Variants in ARHGAP42 observed in about 807,000 individuals in gnomAD.
ARHGAP42 encodes Rho GTPase activating protein 42, also known as rho GTPase-activating protein 42.
ARHGAP42 carries 63 observed loss-of-function variants against 125.0 expected under a neutral mutation model. The observed-to-expected ratio is 0.50, with a 90% CI of 0.41 to 0.62. The LOEUF is 0.62. Among genes scored for constraint, ARHGAP42 ranks in the 20% least tolerant of loss-of-function variants. The pLI is 0.00. For missense variants in ARHGAP42, 766 were observed against 1,024.2 expected (o/e 0.75, Z 3.44); for synonymous variants, 339 against 351.0 (o/e 0.97, Z 0.38).
Position 100,933,269 on chromosome 11 carries a change from A to C in ARHGAP42, c.702+9A>C. ...AGTTCAACTTGCAGAATGTAAGAGT[A>C]TACCTGTTCTTACTGTCTCTCAGCA... On this transcript the variant is annotated intron_variant, in intron 7 of 23. Coordinates refer to ENST00000298815, the MANE Select transcript of ARHGAP42 (RefSeq NM_152432.4). 6.6e-7 allele frequency: 1 copy of C among 1,524,622 alleles called. No individual in the cohort carries two copies. The highest frequency in any genetic ancestry group is 1.2e-5 in the South Asian group (1 of 80,762). 94.4% of individuals were successfully genotyped at this position (1,524,622 alleles called of 1,614,324 possible). A position where few individuals can be genotyped will look rare whatever the true frequency, so the allele number is the denominator to read the frequency against.
At chr11:100,723,745 T>C (rs527929376) in intron 1 of ARHGAP42, among the ~76,000 whole-genome samples, 11 of 152,182 alleles carry the variant, frequency 7.2e-5, no homozygotes, top group Non-Finnish European at 1.3e-4. Flanking sequence ...TTTGTATTTC[T>C]TTATATCCTT....
chr11:100,968,102 G>T (rs965756541), intron 17 of ARHGAP42, among the ~76,000 whole-genome samples: 1 of 152,026 alleles, frequency 6.6e-6, no homozygotes, highest in African/African-American at 2.4e-5. Context: ...GTATGATATT[G>T]GTACAGTTCT....
chr11:100,823,758 G>T (rs1466931993), intron 3 of ARHGAP42, among the ~76,000 whole-genome samples: 1 of 152,122 alleles, frequency 6.6e-6, no homozygotes, highest in Non-Finnish European at 1.5e-5. Context: ...GACTGTCAGA[G>T]AATATTAGGT....
At chr11:100,705,977 CT>C (rs34731514) in intron 1 of ARHGAP42, among the ~76,000 whole-genome samples, 28,255 of 111,548 alleles carry the variant, frequency 0.25, 2,235 homozygotes, top group African/African-American at 0.29. Flanking sequence ...AGTTAAGTAA[CT>C]TTTTTTTTTT....
intron 1 of ARHGAP42, among the ~76,000 whole-genome samples, chr11:100,696,651 G>A (rs986193578): frequency 2.6e-5 from 4 of 151,020 alleles, no homozygotes; most frequent in Admixed American, 6.6e-5. Flanking sequence ...CACTGTGCCC[G>A]GCCCCCTAAT....
At chr11:100,882,242 C>G (rs950154817) in intron 4 of ARHGAP42, among the ~76,000 whole-genome samples, 13 of 152,196 alleles carry the variant, frequency 8.5e-5, no homozygotes, top group Admixed American at 2.6e-4. Context: ...TCATAGATGG[C>G]TTTTATTACG....
At chr11:100,695,448 C>T (rs751496765) in intron 1 of ARHGAP42, among the ~76,000 whole-genome samples, 4 of 152,066 alleles carry the variant, frequency 2.6e-5, no homozygotes, top group Admixed American at 1.3e-4. Context: ...GGATTATAGG[C>T]GGCCATCATC....
intron 1 of ARHGAP42, among the ~76,000 whole-genome samples, chr11:100,769,061 G>A (rs1862907588): frequency 6.6e-6 from 1 of 152,122 alleles, no homozygotes; most frequent in Non-Finnish European, 1.5e-5. Flanking sequence ...GCATGTTACT[G>A]TACTGAGTAC....
At chr11:100,802,640 C>CAA (rs1565220571) in intron 3 of ARHGAP42, among the ~76,000 whole-genome samples, 4 of 60,388 alleles carry the variant, frequency 6.6e-5, no homozygotes, top group African/African-American at 1.9e-4. Context: ...ACCCTGTTGG[C>CAA]GAGTCTCAAA....
intron 4 of ARHGAP42, among the ~76,000 whole-genome samples, chr11:100,881,194 T>C (rs1249770088): frequency 6.6e-6 from 1 of 152,208 alleles, no homozygotes; most frequent in Non-Finnish European, 1.5e-5. Context: ...TCTGATGTTA[T>C]CTTCTAGAAT....
chr11:100,749,210 T>C (rs997419281), intron 1 of ARHGAP42, among the ~76,000 whole-genome samples: 1 of 152,092 alleles, frequency 6.6e-6, no homozygotes, highest in African/African-American at 2.4e-5. Context: ...CCCCTGAAAT[T>C]TGTGGAAGGC....
rs139162012 is a variant in ARHGAP42, at chr11:100,886,902, A to T, written c.385-26550A>T. 4.3e-3 allele frequency among the ~76,000 whole-genome samples: 658 copies of T among 152,248 alleles called. 2 individuals carry two copies. Among genetic ancestry groups the T allele is most frequent in the South Asian group, 9.5e-3 (46 of 4,822 alleles). ...GGAGGTCTCTTTCTGTGCTTCACTA[A>T]ATTGGATAGTTTAAAAGAAAAACAC... On this transcript the variant is annotated intron_variant, in intron 4 of 23. Coordinates refer to ENST00000298815, the MANE Select transcript of ARHGAP42 (RefSeq NM_152432.4).
At chr11:100,763,573 CG>C (rs1307097600) in intron 1 of ARHGAP42, among the ~76,000 whole-genome samples, 2 of 152,110 alleles carry the variant, frequency 1.3e-5, no homozygotes, top group Admixed American at 1.3e-4. Flanking sequence ...CTGCAACCTC[CG>C]CCCCCCGGGT....
intron 1 of ARHGAP42, among the ~76,000 whole-genome samples, chr11:100,764,025 C>CTTTTTTT (rs772607133): frequency 9.9e-6 from 1 of 101,508 alleles, no homozygotes. Context: ...TCTTCTTCTT[C>CTTTTTTT]TTTTTTTTTT....
intron 3 of ARHGAP42, among the ~76,000 whole-genome samples, chr11:100,850,774 T>C (rs953368537): frequency 1.3e-5 from 2 of 152,130 alleles, no homozygotes; most frequent in African/African-American, 4.8e-5. Context: ...TGTAAGGCTT[T>C]CTGGTTTCTG....
At chr11:100,855,409 A>G (rs1490120286) in intron 3 of ARHGAP42, among the ~76,000 whole-genome samples, 1 of 152,128 alleles carries the variant, frequency 6.6e-6, no homozygotes, top group Non-Finnish European at 1.5e-5. Flanking sequence ...TTGTTAAGAG[A>G]CATACCTTTC....
chr11:100,891,097 G>T (rs1591271602), intron 4 of ARHGAP42, among the ~76,000 whole-genome samples: 1 of 152,252 alleles, frequency 6.6e-6, no homozygotes, highest in Admixed American at 6.5e-5. Context: ...TTTTTCTGAG[G>T]CATGTGAGAC....
chr11:100,757,108 T>A (rs2120354194), intron 1 of ARHGAP42, among the ~76,000 whole-genome samples: 1 of 152,234 alleles, frequency 6.6e-6, no homozygotes, highest in African/African-American at 2.4e-5. Flanking sequence ...TATAGGAAGA[T>A]CAATAAGAAT....
At chr11:100,857,110 C>T (rs1246325513) in intron 3 of ARHGAP42, among the ~76,000 whole-genome samples, 1 of 152,066 alleles carries the variant, frequency 6.6e-6, no homozygotes, top group African/African-American at 2.4e-5. Flanking sequence ...GAAATCATTT[C>T]TGTTCTTCTT....
Sources: gnomAD v4.1 joint callset for allele counts (sites outside exome capture counted in the v4.1 genomes callset) on GRCh38, gnomAD v4.1.1 for gene constraint, MANE v1.5 for transcripts, NCBI Gene and HGNC (gene_info 2026-07-23, HGNC 2026-07-21) for gene names.